Variants in PRKCQ observed in about 807,000 individuals in gnomAD.
PRKCQ encodes the protein protein kinase C theta.
Under a neutral mutation model 91.2 loss-of-function variants are expected in PRKCQ, and 41 were observed. That is an observed-to-expected ratio of 0.45 (90% CI 0.35 to 0.58). The LOEUF is 0.58. Ranked by LOEUF, PRKCQ falls within the 20% of genes least tolerant of loss-of-function variation. PRKCQ has a pLI of 0.00. For synonymous variants in PRKCQ, 307 were observed against 316.9 expected (o/e 0.97, Z 0.33); for missense variants, 673 against 896.5 (o/e 0.75, Z 3.18).
chr10:6,570,460 G>A (rs191843633), intron 1 of PRKCQ, among the ~76,000 whole-genome samples: 130 of 152,200 alleles, frequency 8.5e-4, no homozygotes, highest in African/African-American at 3.0e-3. Context: ...GCAGGTGACA[G>A]GGAAGATAAG....
At chr10:6,559,417 G>A (rs1430961052) in intron 1 of PRKCQ, among the ~76,000 whole-genome samples, 1 of 152,172 alleles carries the variant, frequency 6.6e-6, no homozygotes, top group Non-Finnish European at 1.5e-5. Flanking sequence ...CTGGAGTGCA[G>A]TGGCAGTTTC....
chr10:6,484,623 T>C (rs1836797155), intron 10 of PRKCQ, among the ~76,000 whole-genome samples: 1 of 152,194 alleles, frequency 6.6e-6, no homozygotes, highest in Admixed American at 6.5e-5. Context: ...GGTTTATCTT[T>C]CATACTCTTC....
intron 1 of PRKCQ, among the ~76,000 whole-genome samples, chr10:6,521,909 T>TATGTG (rs1839020605): frequency 1.3e-5 from 1 of 75,638 alleles, no homozygotes; most frequent in Admixed American, 1.8e-4. Context: ...TATGTGATGT[T>TATGTG]ATGTTATGTT....
In PRKCQ at chr10:6,564,297, G is replaced by A. The variant is rs530496833; in HGVS notation, c.-10+15914C>T. ...AGAGGCTCAATCTCGGAAACTAAAC[G>A]AGGTCCTCTGTAGGAAATATTATGG... On this transcript the variant is annotated intron_variant, in intron 1 of 17. Coordinates refer to ENST00000263125, the MANE Select transcript of PRKCQ (RefSeq NM_006257.5). Among the ~76,000 whole-genome samples, 5 of 152,232 alleles carry A rather than the reference G, an allele frequency of 3.3e-5. No homozygotes were observed. The East Asian group carries it at 5.8e-4, about 18-fold the overall frequency.
intron 14 of PRKCQ, 65 bp from the exon 15 acceptor site, chr10:6,456,877 T>C (rs150274977): frequency 6.1e-5 from 95 of 1,558,996 alleles, no homozygotes; most frequent in African/African-American, 2.8e-4. Context: ...TAAAATTCCA[T>C]AGGAGGCGAG....
At chr10:6,574,699 A>G (rs1841163700) in intron 1 of PRKCQ, among the ~76,000 whole-genome samples, 1 of 152,182 alleles carries the variant, frequency 6.6e-6, no homozygotes, top group Admixed American at 6.5e-5. Context: ...GTCATATGGC[A>G]AATTAGGATG....
At chr10:6,560,317 T>C (rs555295091) in intron 1 of PRKCQ, among the ~76,000 whole-genome samples, 19 of 152,102 alleles carry the variant, frequency 1.2e-4, no homozygotes, top group Non-Finnish European at 1.9e-4. Context: ...ATTTTGAGAC[T>C]AGGTGAGGAG....
intron 1 of PRKCQ, among the ~76,000 whole-genome samples, chr10:6,531,625 G>A (rs1003500426): frequency 3.3e-5 from 5 of 151,990 alleles, no homozygotes; most frequent in African/African-American, 1.2e-4. Context: ...CCAGAGAATG[G>A]AAGAAGGTAG....
At chr10:6,551,348 G>T in intron 1 of PRKCQ, among the ~76,000 whole-genome samples, 1 of 150,670 alleles carries the variant, frequency 6.6e-6, no homozygotes, top group South Asian at 2.1e-4. Context: ...GCATTTTTGT[G>T]TCTGCATAGT....
intron 14 of PRKCQ, among the ~76,000 whole-genome samples, chr10:6,457,859 A>T (rs1189337401): frequency 6.6e-6 from 1 of 152,040 alleles, no homozygotes; most frequent in East Asian, 1.9e-4. Context: ...GCTTTCCTTT[A>T]TGAAGTGCCA....
intron 1 of PRKCQ, among the ~76,000 whole-genome samples, chr10:6,547,875 G>T (rs1450774142): frequency 6.6e-6 from 1 of 150,510 alleles, no homozygotes; most frequent in African/African-American, 2.4e-5. Flanking sequence ...AGCCAAAATT[G>T]ACAAATGGGA....
intron 7 of PRKCQ, among the ~76,000 whole-genome samples, chr10:6,494,022 G>A (rs987722368): frequency 2.0e-5 from 3 of 152,160 alleles, no homozygotes; most frequent in Admixed American, 6.5e-5. Flanking sequence ...TGCTTTTCAC[G>A]AGTCACCTTG....
chr10:6,404,796 CTTCT>C, the PRKCQ span, among the ~76,000 whole-genome samples: 7 of 127,798 alleles, frequency 5.5e-5, no homozygotes, highest in Non-Finnish European at 8.5e-5. Flanking sequence ...TCCTTCCTTC[CTTCT>C]TTCTCTCTCT....
Position 6,498,217 on chromosome 10 carries a change from A to G in PRKCQ, c.542+179T>C, listed in dbSNP as rs1175616390. On this transcript the variant is annotated intron_variant, in intron 5 of 17. Transcript: ENST00000263125. ...CTGACTAGACCTGGCTTCCTCATGC[A>G]CCTCTTTTATTGGATCACACCATTT... Among the ~76,000 whole-genome samples the G allele has an allele frequency of 3.3e-5, 5 of 151,556 alleles. No homozygotes were observed. In the East Asian group the frequency reaches 9.7e-4, roughly 29 times the overall value.
At chr10:6,568,538 C>T (rs190235649) in intron 1 of PRKCQ, among the ~76,000 whole-genome samples, 2,478 of 147,580 alleles carry the variant, frequency 0.017, 42 homozygotes, top group Non-Finnish European at 0.024. Flanking sequence ...TGCTCTGTCT[C>T]CCAGGCTGGA....
At chr10:6,407,538 CAT>C in the PRKCQ span, among the ~76,000 whole-genome samples, 3 of 150,372 alleles carry the variant, frequency 2.0e-5, no homozygotes. The surrounding 1 kb of genome is among the most constrained non-coding windows in gnomAD (Gnocchi z 4.0). Context: ...ATGGTGTGTT[CAT>C]GTGTGTGTAT....
the PRKCQ span, among the ~76,000 whole-genome samples, chr10:6,397,843 T>C: frequency 5.3e-5 from 8 of 152,158 alleles, no homozygotes; most frequent in African/African-American, 1.9e-4. Flanking sequence ...GAGAATCGCT[T>C]GAACCTGGGA....
At chr10:6,565,222 C>G (rs1840797797) in intron 1 of PRKCQ, among the ~76,000 whole-genome samples, 1 of 152,150 alleles carries the variant, frequency 6.6e-6, no homozygotes, top group Admixed American at 6.5e-5. Context: ...AGTGTGATCT[C>G]TCTTTATGTT....
intron 1 of PRKCQ, among the ~76,000 whole-genome samples, chr10:6,522,777 T>A (rs955331016): frequency 6.6e-6 from 1 of 152,146 alleles, no homozygotes; most frequent in African/African-American, 2.4e-5. Context: ...ACCTCTCACA[T>A]GTGGAAGAAA....
Sources: gnomAD v4.1 joint callset for allele counts (sites outside exome capture counted in the v4.1 genomes callset) on GRCh38, gnomAD v4.1.1 for gene constraint, Gnocchi (gnomAD v3.1) non-coding constraint, MANE v1.5 for transcripts, NCBI Gene and HGNC (gene_info 2026-07-23, HGNC 2026-07-21) for gene names.